The following WSCD2 variants were observed in gnomAD, a reference collection of about 807,000 sequenced individuals.
The protein encoded by WSCD2 is sialate:O-sulfotransferase 2.
Under a neutral mutation model 55.7 loss-of-function variants are expected in WSCD2, and 28 were observed. That is an observed-to-expected ratio of 0.50 (90% CI 0.37 to 0.69). WSCD2 has a LOEUF of 0.69. WSCD2 is among the 30% of genes least tolerant of loss of function. The probability of loss-of-function intolerance (pLI) is 0.00; values close to 1 mark genes in which losing one functional copy is unlikely to be tolerated. For missense variants in WSCD2, 616 were observed against 762.1 expected (o/e 0.81, Z 2.26); for synonymous variants, 301 against 301.9 (o/e 1.00, Z 0.03).
intron 7 of WSCD2, among the ~76,000 whole-genome samples, chr12:108,236,163 GT>G (rs1889248331): frequency 6.6e-6 from 1 of 152,304 alleles, no homozygotes; most frequent in East Asian, 1.9e-4. Context: ...GTCTTTTAGA[GT>G]TTCTTTTCTT....
chr12:108,154,096 C>G (rs1565920738), intron 1 of WSCD2, among the ~76,000 whole-genome samples: 1 of 151,944 alleles, frequency 6.6e-6, no homozygotes, highest in Non-Finnish European at 1.5e-5. Context: ...AAGGTCAGGG[C>G]CCCCTGAGTG....
At position 108,247,979 on chromosome 12, in the gene WSCD2, C is replaced by G; in HGVS notation, c.1346-12C>G. 6.2e-7 allele frequency: 1 copy of G among 1,605,210 alleles called. No homozygotes were observed. Among genetic ancestry groups the G allele is most frequent in the Non-Finnish European group, 8.5e-7 (1 of 1,173,586 alleles). On this transcript the variant is annotated splice_polypyrimidine_tract_variant and intron_variant, in intron 8 of 8. Coordinates refer to ENST00000547525, the MANE Select transcript of WSCD2 (RefSeq NM_014653.4). ...CCTCCCTCTGACTGTGTCCTTTCTC[C>G]TCTCTCTGCAGAGTGGCCAGAGTTC...
chr12:108,144,524 A>G (rs868626), intron 1 of WSCD2, among the ~76,000 whole-genome samples: 109,141 of 152,064 alleles, frequency 0.72, 39,795 homozygotes, highest in East Asian at 0.91. Context: ...TATGTGTGCG[A>G]GAGGATTCTA....
At chr12:108,176,382 A>G (rs1880872486) in intron 1 of WSCD2, among the ~76,000 whole-genome samples, 1 of 152,116 alleles carries the variant, frequency 6.6e-6, no homozygotes, top group Non-Finnish European at 1.5e-5. Flanking sequence ...CTTTTCTGCC[A>G]TTACCAGAGT....
At chr12:108,189,556 A>G (rs1334089202) in intron 1 of WSCD2, 1 of 152,246 alleles carries the variant, frequency 6.6e-6, no homozygotes, top group East Asian at 1.9e-4. Flanking sequence ...CACATATGGC[A>G]TCTGTTACAG....
intron 1 of WSCD2, among the ~76,000 whole-genome samples, chr12:108,161,565 GC>G (rs1174839101): frequency 1.3e-5 from 2 of 152,154 alleles, no homozygotes; most frequent in Non-Finnish European, 2.9e-5. Flanking sequence ...TTCTCTCACA[GC>G]CCCCAGAGGG....
chr12:108,185,291 G>A (rs928143408), intron 1 of WSCD2, among the ~76,000 whole-genome samples: 12 of 152,188 alleles, frequency 7.9e-5, no homozygotes, highest in Admixed American at 3.9e-4. Context: ...AATGGGCTCC[G>A]GTCACACTGC....
chr12:108,233,133 T>C (rs979665182), intron 7 of WSCD2: 8 of 473,564 alleles, frequency 1.7e-5, no homozygotes, highest in African/African-American at 1.5e-4. Flanking sequence ...AATTGACATT[T>C]GTCAAGTACT....
At chr12:108,164,166 A>C (rs1174109893) in intron 1 of WSCD2, among the ~76,000 whole-genome samples, 1 of 17,790 alleles carries the variant, frequency 5.6e-5, no homozygotes, top group Admixed American at 6.5e-4. Context: ...TTTTTTTCAG[A>C]GAGGGGGATG....
chr12:108,232,418 G>A (rs1888867872), intron 6 of WSCD2, among the ~76,000 whole-genome samples: 1 of 152,100 alleles, frequency 6.6e-6, no homozygotes. Flanking sequence ...GGGGAAACTG[G>A]GGCTGGAGAG....
At chr12:108,215,610 A>G (rs561018145) in intron 4 of WSCD2, among the ~76,000 whole-genome samples, 8 of 152,202 alleles carry the variant, frequency 5.3e-5, no homozygotes, top group African/African-American at 1.2e-4. Context: ...GTGTAATTCA[A>G]TCTCTCTCTG....
At chr12:108,143,401 G>A (rs1285607435) in intron 1 of WSCD2, among the ~76,000 whole-genome samples, 1 of 151,814 alleles carries the variant, frequency 6.6e-6, no homozygotes, top group African/African-American at 2.4e-5. Context: ...GGCTTCCTGA[G>A]CCACAAAGAC....
chr12:108,230,244 G>A (rs1888600378), intron 6 of WSCD2, among the ~76,000 whole-genome samples: 1 of 152,118 alleles, frequency 6.6e-6, no homozygotes. Flanking sequence ...GCTCCTTTTT[G>A]CAGTGTATTC....
At chr12:108,167,985 T>C (rs1464251649) in intron 1 of WSCD2, among the ~76,000 whole-genome samples, 2 of 152,244 alleles carry the variant, frequency 1.3e-5, no homozygotes, top group East Asian at 1.9e-4. Flanking sequence ...AATCAACTGA[T>C]GTCCCATTGC....
chr12:108,216,529 G>A (rs1381161118), intron 4 of WSCD2, among the ~76,000 whole-genome samples: 3 of 152,240 alleles, frequency 2.0e-5, no homozygotes, highest in Admixed American at 2.0e-4. Flanking sequence ...AACTGAAAGT[G>A]CTCAAAGATC....
chr12:108,227,228 T>A (rs1888204470), intron 6 of WSCD2, 64 bp downstream of exon 6: 1 of 1,551,130 alleles, frequency 6.4e-7, no homozygotes, highest in Admixed American at 1.8e-5. Flanking sequence ...CCCAGACGTG[T>A]TCCTGCCAGT....
At chr12:108,146,354 T>A (rs1877394496) in intron 1 of WSCD2, among the ~76,000 whole-genome samples, 1 of 152,226 alleles carries the variant, frequency 6.6e-6, no homozygotes, top group Admixed American at 6.5e-5. Context: ...TGTCCTGTCA[T>A]TCCCCCAGGG....
intron 2 of WSCD2, among the ~76,000 whole-genome samples, chr12:108,196,606 C>T (rs1883960308): frequency 6.6e-6 from 1 of 152,184 alleles, no homozygotes; most frequent in African/African-American, 2.4e-5. Flanking sequence ...AGAAACATCA[C>T]CACAACTGTA....
At chr12:108,192,106 G>A (rs1883241113) in intron 1 of WSCD2, among the ~76,000 whole-genome samples, 1 of 152,204 alleles carries the variant, frequency 6.6e-6, no homozygotes, top group Non-Finnish European at 1.5e-5. Context: ...AAACTTTGCT[G>A]TCTCCACGAC....
Sources: allele counts gnomAD v4.1 joint callset (sites outside exome capture counted in the v4.1 genomes callset), GRCh38; gene constraint gnomAD v4.1.1; transcripts MANE v1.5; gene names NCBI Gene and HGNC (gene_info 2026-07-23, HGNC 2026-07-21).